Variants in CAPG observed in about 807,000 individuals in gnomAD.
The protein encoded by CAPG is capping actin protein, gelsolin like.
In CAPG, 32 loss-of-function variants were observed where a neutral mutation model predicts 44.6. That is an observed-to-expected ratio of 0.72 (90% CI 0.54 to 0.96). The LOEUF is 0.96. Ranked by LOEUF, CAPG falls within the 50% of genes least tolerant of loss-of-function variation. The probability of loss-of-function intolerance (pLI) is 0.00; values close to 1 mark genes in which losing one functional copy is unlikely to be tolerated. For missense variants in CAPG, 412 were observed against 438.3 expected (o/e 0.94, Z 0.54); for synonymous variants, 175 against 179.6 (o/e 0.97, Z 0.20).
intron 6 of CAPG, 78 bp from the exon 7 acceptor site, chr2:85,398,860 G>T: frequency 8.5e-7 from 1 of 1,179,540 alleles, no homozygotes; most frequent in Non-Finnish European, 1.2e-6. Context: ...CAGGGCCACT[G>T]CTTCTGGTGG....
upstream of CAPG, among the ~76,000 whole-genome samples, chr2:85,412,631 G>T (rs566706320): frequency 6.6e-6 from 1 of 152,128 alleles, no homozygotes; most frequent in East Asian, 1.9e-4. Context: ...AAAATAATCT[G>T]TACAACAAAG....
intron 8 of CAPG, among the ~76,000 whole-genome samples, chr2:85,397,320 T>C (rs1367092463): frequency 5.3e-5 from 8 of 152,210 alleles, no homozygotes; most frequent in African/African-American, 9.6e-5. Flanking sequence ...TCAGAATCTA[T>C]GGGGGTGGAG....
chr2:85,394,999 C>A, intron 9 of CAPG, 41 bp from the exon 10 acceptor site: 14 of 1,415,674 alleles, frequency 9.9e-6, no homozygotes, highest in Non-Finnish European at 1.4e-5. Context: ...CACAAAGTTG[C>A]CACCTCTGCC....
chr2:85,406,640 C>G (rs947871154), intron 1 of CAPG, among the ~76,000 whole-genome samples: 1 of 152,130 alleles, frequency 6.6e-6, no homozygotes, highest in African/African-American at 2.4e-5. Flanking sequence ...GGGCAGATCA[C>G]CTGAGGTCGG....
chr2:85,408,915 TA>T (rs1687297622), intron 1 of CAPG: 1 of 152,216 alleles, frequency 6.6e-6, no homozygotes, highest in African/African-American at 2.4e-5. Context: ...CATACACGCA[TA>T]GTGCAGAAAT....
chr2:85,417,857 G>T (rs555037209), intron 1 of CAPG, among the ~76,000 whole-genome samples: 1 of 152,068 alleles, frequency 6.6e-6, no homozygotes, highest in Non-Finnish European at 1.5e-5. Flanking sequence ...TGATCCTGAT[G>T]ATAATAACAC....
Position 85,394,797 on chromosome 2 carries a change from T to A in CAPG, c.*96A>T. The A allele has an allele frequency of 1.2e-6, 1 of 862,714 alleles. No homozygotes were observed. Among genetic ancestry groups the A allele is most frequent in the Non-Finnish European group, 2.0e-6 (1 of 496,644 alleles). 53.4% of individuals were successfully genotyped at this position (862,714 alleles called of 1,614,324 possible). ...AAGCACTTGTCTCCTTTATTGAACA[T>A]CTGCAGGGGGCACCTCTGCACTGAC... On this transcript the variant is annotated 3_prime_UTR_variant, in exon 10 of 10. Coordinates refer to ENST00000263867, the MANE Select transcript of CAPG (RefSeq NM_001747.4).
Position 85,399,274 on chromosome 2 carries a change from G to A in CAPG, c.528C>T (p.Ala176=). 6.2e-7 allele frequency: 1 copy of A among 1,614,126 alleles called. No individual in the cohort carries two copies. Among genetic ancestry groups the A allele is most frequent in the Non-Finnish European group, 8.5e-7 (1 of 1,179,996 alleles). ...FILDLGQNIF[A]WCGGKSNILE... ...GGATGTTGGACTTTCCACCACACCA[G>A]GCGAAGATGTTCTGCAAGGAAGCAG... is the stretch of plus-strand genomic sequence containing the variant. Residue 176 remains alanine (A), a synonymous_variant, in exon 6 of 10, where the codon GCC becomes GCT. Coordinates refer to ENST00000263867, the MANE Select transcript of CAPG (RefSeq NM_001747.4).
At position 85,398,599 on chromosome 2, in the gene CAPG, T is replaced by A. The variant is rs1440580215; in HGVS notation, c.759+91A>T. On this transcript the variant is annotated intron_variant, in intron 7 of 9. Transcript: ENST00000263867. ...GTTCCAGCCCCACCTTCCCCCTGCC[T>A]TCTCCCCTCCACCCTGCTTGCATGC... 3.8e-6 allele frequency: 4 copies of A among 1,060,498 alleles called. No individual in the cohort carries two copies. The African/African-American group carries it at 4.8e-5, about 13-fold the overall frequency. 65.7% of individuals were successfully genotyped at this position (1,060,498 alleles called of 1,614,324 possible).
chr2:85,401,499 G>A, intron 4 of CAPG, 30 bp downstream of exon 4: 1 of 1,611,148 alleles, frequency 6.2e-7, no homozygotes, highest in Non-Finnish European at 8.5e-7. Context: ...GGAAGCTGCA[G>A]GGTGGGGGTG....
Position 85,401,826 on chromosome 2 carries a change from T to C in CAPG, c.155A>G (p.His52Arg), listed in dbSNP as rs747761634. 39 of 1,613,852 alleles carry C rather than the reference T, an allele frequency of 2.4e-5. No homozygotes were observed. Among genetic ancestry groups the C allele is most frequent in the Non-Finnish European group, 3.1e-5 (37 of 1,179,992 alleles). ...ATGGGAAACCTCTTCTGGGCCATTG[T>C]GCAGCACTAGGTAGGAGTCCCCCGA... ...FFSGDSYLVLHNGPEEVSHLH... is the reference protein window; with the variant it reads ...FFSGDSYLVLRNGPEEVSHLH... Residue 52 changes from histidine to arginine, a missense_variant, in exon 3 of 10, where the codon CAC becomes CGC. His to Arg is a conservative substitution (Grantham distance 29, BLOSUM62 0). Coordinates refer to ENST00000263867, the MANE Select transcript of CAPG (RefSeq NM_001747.4).
chr2:85,399,738 T>C (rs923614237), intron 5 of CAPG, among the ~76,000 whole-genome samples: 1 of 147,238 alleles, frequency 6.8e-6, no homozygotes, highest in Non-Finnish European at 1.5e-5. Context: ...CTCTTTCTTT[T>C]TCTTTTTTTT....
chr2:85,412,100 T>C (rs1031259899), upstream of CAPG, among the ~76,000 whole-genome samples: 2 of 151,080 alleles, frequency 1.3e-5, no homozygotes, highest in African/African-American at 4.9e-5. Context: ...TGTTTCTCAT[T>C]GAAACGAAAT....
intron 8 of CAPG, among the ~76,000 whole-genome samples, chr2:85,397,646 T>A (rs1038252077): frequency 6.6e-6 from 1 of 151,584 alleles, no homozygotes; most frequent in Non-Finnish European, 1.5e-5. Flanking sequence ...GAGGTTGCAG[T>A]GAGCCAAGAT....
At chr2:85,416,602 C>A (rs1186800644) in intron 1 of CAPG, among the ~76,000 whole-genome samples, 2 of 152,200 alleles carry the variant, frequency 1.3e-5, no homozygotes, top group Non-Finnish European at 2.9e-5. Flanking sequence ...ACCTTCCCCC[C>A]CGCCGGTTCA....
In CAPG at chr2:85,394,867, A is replaced by G; in HGVS notation, c.*26T>C. The stretch of plus-strand genomic sequence containing the variant: ...GCAGGCAGGTGGTGGGGGGCAGGGG[A>G]GCATGGGGCAGGAAGACGCCCACCC... On this transcript the variant is annotated 3_prime_UTR_variant, in exon 10 of 10. Transcript: ENST00000263867. The G allele has an allele frequency of 6.4e-7, 1 of 1,574,010 alleles. No individual in the cohort carries two copies. The highest frequency in any genetic ancestry group is 1.1e-5 in the South Asian group (1 of 90,324).
rs549418687 is a variant in CAPG, at chr2:85,398,052, T to C, written c.860A>G (p.Asn287Ser). 17 of 1,614,024 alleles carry C rather than the reference T, an allele frequency of 1.1e-5. No individual in the cohort carries two copies. In the African/African-American group the frequency reaches 1.3e-4, roughly 13 times the overall value. Reference sequence around the variant, plus strand: ...GATATAGATCTTGCCACAGAGCCCGTTGTCCAGCACAAAGCAGTCATCAGA... The same window carrying C: ...GATATAGATCTTGCCACAGAGCCCGCTGTCCAGCACAAAGCAGTCATCAGA... ...LISDDCFVLDNGLCGKIYIWK... is the reference protein window; with the variant it reads ...LISDDCFVLDSGLCGKIYIWK... Residue 287 changes from asparagine to serine, a missense_variant, in exon 8 of 10, where the codon AAC becomes AGC. Asn to Ser is a conservative substitution (Grantham distance 46). Transcript: ENST00000263867.
Position 85,395,014 on chromosome 2 carries a change from C to T in CAPG, c.982-56G>A, listed in dbSNP as rs971682852. ...CACAAAGTTGCCACCTCTGCCTCTG[C>T]CCAGGAGGACAGGAGGGGGCCAGAG... is the stretch of plus-strand genomic sequence containing the variant. On this transcript the variant is annotated intron_variant, in intron 9 of 9. Coordinates refer to ENST00000263867, the MANE Select transcript of CAPG (RefSeq NM_001747.4). This position sits in a 1 kb window ranked among gnomAD's most constrained non-coding sequence, Gnocchi z 4.3. 1.5e-5 allele frequency: 19 copies of T among 1,250,412 alleles called. No individual in the cohort carries two copies. The highest frequency in any genetic ancestry group is 2.0e-5 in the Non-Finnish European group (17 of 851,696). 77.5% of individuals were successfully genotyped at this position (1,250,412 alleles called of 1,614,324 possible). A position where few individuals can be genotyped will look rare whatever the true frequency, so the allele number is the denominator to read the frequency against.
intron 1 of CAPG, among the ~76,000 whole-genome samples, chr2:85,417,014 A>G (rs1013521032): frequency 2.0e-5 from 3 of 152,210 alleles, no homozygotes; most frequent in African/African-American, 7.2e-5. Context: ...GGCAACCAGA[A>G]CAGTGACATG....
Sources: gnomAD v4.1 joint callset for allele counts (sites outside exome capture counted in the v4.1 genomes callset) on GRCh38, gnomAD v4.1.1 for gene constraint, Gnocchi (gnomAD v3.1) non-coding constraint, MANE v1.5 for transcripts, NCBI Gene and HGNC (gene_info 2026-07-23, HGNC 2026-07-21) for gene names.